CLSTN2: variants seen among roughly 807,000 people sequenced by gnomAD.
The protein encoded by CLSTN2 is calsyntenin 2, also known as calsyntenin-2.
Under a neutral mutation model 101.2 loss-of-function variants are expected in CLSTN2, and 48 were observed. The observed-to-expected ratio is 0.47, with a 90% CI of 0.38 to 0.60. The LOEUF (loss-of-function observed/expected upper bound fraction) is 0.60. Ranked by LOEUF, CLSTN2 falls within the 20% of genes least tolerant of loss-of-function variation. The probability of loss-of-function intolerance (pLI) is 0.00; values close to 1 mark genes in which losing one functional copy is unlikely to be tolerated. For missense variants in CLSTN2, 1,160 were observed against 1,238.2 expected (o/e 0.94, Z 0.95); for synonymous variants, 481 against 463.6 (o/e 1.04, Z -0.48).
chr3:140,238,665 A>G (rs962761116), intron 2 of CLSTN2, among the ~76,000 whole-genome samples: 5 of 152,308 alleles, frequency 3.3e-5, no homozygotes, highest in African/African-American at 1.2e-4. Context: ...TCATTATGAG[A>G]TCTTTTTAGA....
At chr3:140,215,883 G>T (rs2010914365) in intron 2 of CLSTN2, among the ~76,000 whole-genome samples, 1 of 152,182 alleles carries the variant, frequency 6.6e-6, no homozygotes, top group African/African-American at 2.4e-5. Flanking sequence ...GTATTAGTTT[G>T]GGTTTTGTTA....
At chr3:140,025,900 A>G (rs760134103) in intron 1 of CLSTN2, among the ~76,000 whole-genome samples, 1 of 152,270 alleles carries the variant, frequency 6.6e-6, no homozygotes, top group Non-Finnish European at 1.5e-5. Flanking sequence ...GGGCTGCGTG[A>G]TAGTGGGAAC....
chr3:140,408,828 G>A (rs1453006159), intron 4 of CLSTN2, among the ~76,000 whole-genome samples: 1 of 152,182 alleles, frequency 6.6e-6, no homozygotes. Flanking sequence ...TAACCCCTTT[G>A]CTGTGTGTAC....
At chr3:140,319,958 C>A (rs77130281) in intron 2 of CLSTN2, among the ~76,000 whole-genome samples, 2,322 of 152,346 alleles carry the variant, frequency 0.015, 56 homozygotes, top group South Asian at 0.1. Context: ...ATTGCAAGTG[C>A]ATTCCCAGCA....
intron 9 of CLSTN2, among the ~76,000 whole-genome samples, chr3:140,543,589 G>A (rs1466798022): frequency 6.6e-6 from 1 of 152,180 alleles, no homozygotes; most frequent in Non-Finnish European, 1.5e-5. Flanking sequence ...CAGAGAGCAG[G>A]GCAGCTCAGG....
intron 2 of CLSTN2, among the ~76,000 whole-genome samples, chr3:140,256,155 C>T (rs1232686613): frequency 6.6e-6 from 1 of 152,198 alleles, no homozygotes; most frequent in African/African-American, 2.4e-5. Flanking sequence ...AGAGGCCTTT[C>T]TTCAAAACAT....
Position 140,436,566 on chromosome 3 carries a change from C to T in CLSTN2, c.788-11953C>T, listed in dbSNP as rs34584203. On this transcript the variant is annotated intron_variant, in intron 5 of 16. Transcript: ENST00000458420. The stretch of plus-strand genomic sequence containing the variant: ...CCTCGGGGAGAGCCCCTTCTCCCCA[C>T]CTTCCATGGATCCCAGCCAGTCTGG... Among the ~76,000 whole-genome samples the T allele has an allele frequency of 5.5e-3, 835 of 152,316 alleles. 7 individuals are homozygous for T. The highest frequency in any genetic ancestry group is 0.019 in the African/African-American group (809 of 41,578).
intron 1 of CLSTN2, among the ~76,000 whole-genome samples, chr3:139,997,147 C>T (rs1013337109): frequency 2.0e-5 from 3 of 151,194 alleles, no homozygotes; most frequent in African/African-American, 7.3e-5. Context: ...TTCATAGGTG[C>T]TGTTTATAGA....
At chr3:140,245,272 C>T (rs973104099) in intron 2 of CLSTN2, among the ~76,000 whole-genome samples, 1 of 152,048 alleles carries the variant, frequency 6.6e-6, no homozygotes, top group Non-Finnish European at 1.5e-5. Context: ...GATATAAGTT[C>T]CAGGGTGGAA....
At chr3:140,192,470 C>T (rs1459570236) in intron 2 of CLSTN2, among the ~76,000 whole-genome samples, 1 of 151,846 alleles carries the variant, frequency 6.6e-6, no homozygotes, top group Non-Finnish European at 1.5e-5. Flanking sequence ...CCATATTTTG[C>T]AGCTCTGTTG....
intron 12 of CLSTN2, among the ~76,000 whole-genome samples, chr3:140,560,640 C>T (rs928441438): frequency 3.3e-5 from 5 of 152,278 alleles, no homozygotes; most frequent in African/African-American, 7.2e-5. Context: ...GAACCCAGCA[C>T]GCTCCCTTGT....
chr3:140,461,670 T>G (rs544017345), intron 7 of CLSTN2, among the ~76,000 whole-genome samples: 2 of 152,186 alleles, frequency 1.3e-5, no homozygotes, highest in Admixed American at 1.3e-4. Flanking sequence ...TGTAAAAATG[T>G]GTAGATGCTA....
At chr3:140,555,989 A>C (rs1488363732) in intron 10 of CLSTN2, among the ~76,000 whole-genome samples, 1 of 152,216 alleles carries the variant, frequency 6.6e-6, no homozygotes, top group Non-Finnish European at 1.5e-5. Flanking sequence ...TTGAAAAGGA[A>C]GACAAAAAAT....
At position 140,562,158 on chromosome 3, in the gene CLSTN2, G is replaced by A. The variant is rs536861946; in HGVS notation, c.2062G>A (p.Glu688Lys). Residue 688 changes from glutamate (E) to lysine (K), a missense_variant, in exon 13 of 17, where the codon GAG becomes AAG. Glu to Lys is a moderately conservative substitution (Grantham distance 56). Coordinates refer to ENST00000458420, the MANE Select transcript of CLSTN2 (RefSeq NM_022131.3). ...TACAGACCCCAAATCAGAAGTCTTA[G>A]AGGAAATGCTTCATAACTTAGATTT... Reference protein sequence around the residue: ...KTTDPKSEVLEEMLHNLDFCD... With the variant: ...KTTDPKSEVLKEMLHNLDFCD... The A allele has an allele frequency of 1.4e-5, 22 of 1,614,058 alleles. No homozygotes were observed. In the East Asian group the frequency reaches 4.0e-4, roughly 29 times the overall value.
At chr3:140,249,997 G>A (rs2086548552) in intron 2 of CLSTN2, among the ~76,000 whole-genome samples, 2 of 152,144 alleles carry the variant, frequency 1.3e-5, no homozygotes, top group South Asian at 2.1e-4. Context: ...TTATGACCTC[G>A]GATGCCAGGC....
At chr3:140,531,674 C>T (rs1409952715) in intron 8 of CLSTN2, among the ~76,000 whole-genome samples, 1 of 152,126 alleles carries the variant, frequency 6.6e-6, no homozygotes, top group African/African-American at 2.4e-5. Context: ...CCTTTCATGC[C>T]TCCCATCTCC....
At chr3:140,527,938 G>A (rs1935178245) in intron 8 of CLSTN2, among the ~76,000 whole-genome samples, 1 of 151,988 alleles carries the variant, frequency 6.6e-6, no homozygotes, top group South Asian at 2.1e-4. Flanking sequence ...AAAGAGAGGG[G>A]AATGGGTTGA....
At chr3:140,332,374 C>G (rs1014163547) in intron 2 of CLSTN2, among the ~76,000 whole-genome samples, 15 of 152,148 alleles carry the variant, frequency 9.9e-5, no homozygotes, top group African/African-American at 3.6e-4. Flanking sequence ...GGAGGAAAAG[C>G]CTATTAAGAT....
chr3:140,577,231 AT>A lies in CLSTN2; in HGVS notation c.*10979del, dbSNP rs1985758053. ...CACAAACTTTAAATTTATAATAATT[AT>A]GATTCTTGCAGTTTTCAAGTAATTT... On this transcript the variant is annotated 3_prime_UTR_variant, in exon 17 of 17. Transcript: ENST00000458420. 2.0e-5 allele frequency: 3 copies of A among 152,348 alleles called. No individual in the cohort carries two copies. In the South Asian group the frequency reaches 6.2e-4, roughly 32 times the overall value. 9.4% of individuals were successfully genotyped at this position (152,348 alleles called of 1,614,324 possible).
Sources: gnomAD v4.1 joint callset for allele counts (sites outside exome capture counted in the v4.1 genomes callset) on GRCh38, gnomAD v4.1.1 for gene constraint, MANE v1.5 for transcripts, NCBI Gene and HGNC (gene_info 2026-07-23, HGNC 2026-07-21) for gene names.